Variants in PTPRN2 observed in about 807,000 individuals in gnomAD.
PTPRN2 encodes receptor-type tyrosine-protein phosphatase N2.
In PTPRN2, 74 loss-of-function variants were observed where a neutral mutation model predicts 118.8. That is an observed-to-expected ratio of 0.62 (90% CI 0.52 to 0.76). The LOEUF is 0.76. PTPRN2 is among the 30% of genes least tolerant of loss of function. The pLI, the probability that PTPRN2 is intolerant of heterozygous loss-of-function variation, is 0.00. For synonymous variants in PTPRN2, 641 were observed against 608.0 expected (o/e 1.05, Z -0.80); for missense variants, 1,481 against 1,394.4 (o/e 1.06, Z -0.99).
At position 158,526,827 on chromosome 7, in the gene PTPRN2, C is replaced by T. The variant is rs147536751; in HGVS notation, c.113-37042G>A. ...CTGGGGGAACCTGCCCTGCCGTGCT[C>T]TCATCTTGGACTTTCGGCCTCCAGG... On this transcript the variant is annotated intron_variant, in intron 1 of 22. Transcript: ENST00000389418. This position sits in a 1 kb window ranked among gnomAD's most constrained non-coding sequence, Gnocchi z 5.2. Among the ~76,000 whole-genome samples, 2 of 152,190 alleles carry T rather than the reference C, an allele frequency of 1.3e-5. No individual in the cohort carries two copies. The highest frequency in any genetic ancestry group is 2.9e-5 in the Non-Finnish European group (2 of 68,016).
intron 6 of PTPRN2, among the ~76,000 whole-genome samples, chr7:158,145,873 A>G (rs745967088): frequency 6.6e-6 from 1 of 152,172 alleles, no homozygotes; most frequent in Admixed American, 6.5e-5. Context: ...ATGCTCCCGG[A>G]GTCTTGGCCC....
chr7:157,602,916 C>T (rs910028088), intron 16 of PTPRN2, among the ~76,000 whole-genome samples: 1 of 152,258 alleles, frequency 6.6e-6, no homozygotes, highest in Non-Finnish European at 1.5e-5. Context: ...AGCCCTAGAA[C>T]AGCATTGCAT....
chr7:157,833,235 G>T (rs993247149), intron 12 of PTPRN2, among the ~76,000 whole-genome samples: 3 of 148,980 alleles, frequency 2.0e-5, no homozygotes, highest in African/African-American at 7.5e-5. Context: ...AGATGTGGCC[G>T]GTGCCCATCT....
chr7:157,719,044 G>T (rs1257717075), intron 12 of PTPRN2, among the ~76,000 whole-genome samples: 2 of 152,088 alleles, frequency 1.3e-5, no homozygotes, highest in Non-Finnish European at 1.5e-5. Flanking sequence ...TCCAGGAGGG[G>T]GTCTCCCCAG....
At chr7:157,886,508 C>T (rs1035960756) in intron 12 of PTPRN2, among the ~76,000 whole-genome samples, 48 of 152,156 alleles carry the variant, frequency 3.2e-4, no homozygotes, top group Admixed American at 2.3e-3. Context: ...CACACAGCAC[C>T]TCTCCTGCCT....
chr7:157,684,602 C>A (rs1797080266), intron 12 of PTPRN2, among the ~76,000 whole-genome samples: 1 of 150,444 alleles, frequency 6.6e-6, no homozygotes, highest in African/African-American at 2.4e-5. Context: ...CCCTCCCCTC[C>A]GCCCCCCTCC....
rs4909227 is a variant in PTPRN2 at position 158,457,666 on chromosome 7, G to A, written c.163+32069C>T. On this transcript the variant is annotated intron_variant, in intron 2 of 22. Coordinates refer to ENST00000389418, the MANE Select transcript of PTPRN2 (RefSeq NM_002847.5). ...GAGGGGCGTTAACACCAAAACTCCC[G>A]CTCCAGGGCGAGCCTGGCCTGGGGG... 7.9e-5 allele frequency among the ~76,000 whole-genome samples: 5 copies of A among 63,216 alleles called. 2 individuals carry two copies. Among genetic ancestry groups the A allele is most frequent in the African/African-American group, 1.3e-4 (2 of 14,996 alleles). The allele number at this position is 63,216 out of a possible 152,430, so 41.5% of individuals were successfully genotyped here. A position where few individuals can be genotyped will look rare whatever the true frequency, so the allele number is the denominator to read the frequency against.
intron 12 of PTPRN2, among the ~76,000 whole-genome samples, chr7:157,716,259 G>GGGAACACT (rs1798901319): frequency 9.9e-6 from 1 of 101,062 alleles, no homozygotes; most frequent in East Asian, 2.3e-4. Context: ...AAGACTCTGC[G>GGGAACACT]GGAACACTGC....
chr7:158,275,030 G>A (rs35185745), intron 3 of PTPRN2, among the ~76,000 whole-genome samples: 42,650 of 151,986 alleles, frequency 0.28, 6,394 homozygotes, highest in African/African-American at 0.39. Context: ...CTGATTGTGG[G>A]GTTCAAAAAG....
In PTPRN2 at chr7:157,596,600, C is replaced by A. The variant is rs1189067227; in HGVS notation, c.2419-1285G>T. Reference sequence around the variant, plus strand: ...CTTCCAGAGGGCAAGCCCAGGCCACCCTGCAAAGGACACGAAGATACCAGG... The same window carrying A: ...CTTCCAGAGGGCAAGCCCAGGCCACACTGCAAAGGACACGAAGATACCAGG... On this transcript the variant is annotated intron_variant, in intron 16 of 22. Coordinates refer to ENST00000389418, the MANE Select transcript of PTPRN2 (RefSeq NM_002847.5). The surrounding 1 kb of genome is among the most constrained non-coding windows in gnomAD (Gnocchi z 4.2). Among the ~76,000 whole-genome samples the A allele has an allele frequency of 6.6e-6, 1 of 152,150 alleles. No individual in the cohort carries two copies. Among genetic ancestry groups the A allele is most frequent in the Non-Finnish European group, 1.5e-5 (1 of 68,030 alleles).
intron 6 of PTPRN2, among the ~76,000 whole-genome samples, chr7:158,146,855 G>C (rs996257797): frequency 9.2e-5 from 14 of 152,050 alleles, no homozygotes; most frequent in Middle Eastern, 3.4e-3. Flanking sequence ...TTGACCAATG[G>C]ATAGAACAAG....
chr7:158,032,447 A>G (rs1355428619), intron 11 of PTPRN2, among the ~76,000 whole-genome samples: 1 of 152,148 alleles, frequency 6.6e-6, no homozygotes, highest in African/African-American at 2.4e-5. Flanking sequence ...GAGGAGGGCA[A>G]AGGCAAACAA....
intron 11 of PTPRN2, among the ~76,000 whole-genome samples, chr7:158,045,145 T>A (rs1808750089): frequency 6.6e-6 from 1 of 152,166 alleles, no homozygotes; most frequent in African/African-American, 2.4e-5. Context: ...AAAGCCTCCA[T>A]GACTGGAAGC....
chr7:158,385,927 C>T (rs1162161917), intron 2 of PTPRN2, among the ~76,000 whole-genome samples: 5 of 151,062 alleles, frequency 3.3e-5, no homozygotes, highest in African/African-American at 9.8e-5. Context: ...CCTCCCATTC[C>T]CCGAGTCCCT....
chr7:157,644,003 C>T (rs184696763), intron 14 of PTPRN2, among the ~76,000 whole-genome samples: 23 of 152,338 alleles, frequency 1.5e-4, no homozygotes, highest in East Asian at 1.9e-4. Context: ...GCCTCTCATG[C>T]GCTACAAGCT....
At chr7:157,837,851 TG>T (rs1263795850) in intron 12 of PTPRN2, among the ~76,000 whole-genome samples, 1 of 152,244 alleles carries the variant, frequency 6.6e-6, no homozygotes, top group Non-Finnish European at 1.5e-5. Flanking sequence ...CTCACAGCCC[TG>T]CTGCCCAGCA....
intron 3 of PTPRN2, among the ~76,000 whole-genome samples, chr7:158,248,574 C>G (rs1226093212): frequency 6.6e-6 from 1 of 152,168 alleles, no homozygotes; most frequent in South Asian, 2.1e-4. Context: ...ATACACCACA[C>G]AGTGCACACA....
intron 6 of PTPRN2, among the ~76,000 whole-genome samples, chr7:158,146,923 C>G (rs1386172019): frequency 6.6e-6 from 1 of 151,394 alleles, no homozygotes; most frequent in Non-Finnish European, 1.5e-5. Context: ...TGAATGACAC[C>G]CCATCTCACG....
At chr7:158,201,293 T>C (rs918296341) in intron 4 of PTPRN2, among the ~76,000 whole-genome samples, 2 of 152,158 alleles carry the variant, frequency 1.3e-5, no homozygotes, top group East Asian at 3.8e-4. Context: ...TAAGCTCTGA[T>C]TTTTTCTCTT....
Sources: gnomAD v4.1 joint callset for allele counts (sites outside exome capture counted in the v4.1 genomes callset) on GRCh38, gnomAD v4.1.1 for gene constraint, Gnocchi (gnomAD v3.1) non-coding constraint, MANE v1.5 for transcripts, NCBI Gene and HGNC (gene_info 2026-07-23, HGNC 2026-07-21) for gene names.